Variants in KCNJ3 observed in about 807,000 individuals in gnomAD.
The protein encoded by KCNJ3 is G protein-activated inward rectifier potassium channel 1.
In KCNJ3, 4 loss-of-function variants were observed where a neutral mutation model predicts 39.2. The observed-to-expected ratio is 0.10, with a 90% CI of 0.05 to 0.23. The LOEUF (loss-of-function observed/expected upper bound fraction) is 0.23. Ranked by LOEUF, KCNJ3 falls within the 10% of genes least tolerant of loss-of-function variation. The pLI is 1.00. For missense variants in KCNJ3, 276 were observed against 634.9 expected, an observed-to-expected ratio of 0.43 and a Z score of 6.08; for synonymous variants, 230 against 237.4, an observed-to-expected ratio of 0.97 and a Z score of 0.29.
chr2:154,756,045 C>T (rs1256984996), intron 2 of KCNJ3, among the ~76,000 whole-genome samples: 1 of 152,136 alleles, frequency 6.6e-6, no homozygotes, highest in East Asian at 1.9e-4. Context: ...TTTCAGTCTT[C>T]AGCACCTTTA....
chr2:154,840,824 A>G (rs1298731329), intron 2 of KCNJ3, among the ~76,000 whole-genome samples: 2 of 152,130 alleles, frequency 1.3e-5, no homozygotes, highest in South Asian at 2.1e-4. Flanking sequence ...CAGCTTAAGG[A>G]GATTTTGGGC....
intron 2 of KCNJ3, among the ~76,000 whole-genome samples, chr2:154,731,629 T>G (rs945303089): frequency 6.6e-6 from 1 of 152,034 alleles, no homozygotes; most frequent in African/African-American, 2.4e-5. Flanking sequence ...GTAAGGATGG[T>G]ATCTATGTAT....
Position 154,699,180 on chromosome 2 carries a change from C to T in KCNJ3, c.405C>T (p.Leu135=). The T allele has an allele frequency of 6.2e-7, 1 of 1,614,196 alleles. No individual in the cohort carries two copies. The highest frequency in any genetic ancestry group is 8.5e-7 in the Non-Finnish European group (1 of 1,180,052). ...ANVYNFPSAF[L]FFIETEATIG... ...TCTATAACTTCCCTTCTGCCTTCCT[C>T]TTCTTCATCGAGACGGAGGCCACCA... The change falls in exon 1 of 3, where the codon CTC becomes CTT. Residue 135 remains leucine, a synonymous_variant. Coordinates refer to ENST00000295101, the MANE Select transcript of KCNJ3 (RefSeq NM_002239.4). This position sits in a 1 kb window ranked among gnomAD's most constrained non-coding sequence, Gnocchi z 6.4.
intron 2 of KCNJ3, among the ~76,000 whole-genome samples, chr2:154,769,688 A>G (rs1686203884): frequency 6.6e-6 from 1 of 152,046 alleles, no homozygotes; most frequent in South Asian, 2.1e-4. Flanking sequence ...TATCAGGATG[A>G]TGCTGGCCTC....
chr2:154,792,928 C>T (rs919619297), intron 2 of KCNJ3, among the ~76,000 whole-genome samples: 1 of 151,982 alleles, frequency 6.6e-6, no homozygotes, highest in African/African-American at 2.4e-5. Context: ...TCACAAATCC[C>T]TAGGATGAAT....
At chr2:154,789,311 A>G (rs185767571) in intron 2 of KCNJ3, among the ~76,000 whole-genome samples, 94 of 152,140 alleles carry the variant, frequency 6.2e-4, no homozygotes, top group African/African-American at 2.0e-3. Flanking sequence ...TTGGAATACC[A>G]TGGGGCTTTT....
At chr2:154,736,584 G>A (rs1638915917) in intron 2 of KCNJ3, among the ~76,000 whole-genome samples, 2 of 151,956 alleles carry the variant, frequency 1.3e-5, no homozygotes, top group South Asian at 4.2e-4. Context: ...ATGTATATAT[G>A]CAATGAAGCA....
chr2:154,757,563 AG>A (rs1257575008), intron 2 of KCNJ3, among the ~76,000 whole-genome samples: 1 of 152,188 alleles, frequency 6.6e-6, no homozygotes, highest in African/African-American at 2.4e-5. Flanking sequence ...ATTAGAAAAA[AG>A]GATGTAGATG....
intron 2 of KCNJ3, among the ~76,000 whole-genome samples, chr2:154,754,476 T>A (rs1310762269): frequency 6.6e-6 from 1 of 152,224 alleles, no homozygotes; most frequent in Non-Finnish European, 1.5e-5. Context: ...GGTTTCACTG[T>A]GTTGGCCAGG....
chr2:154,777,092 T>C (rs529816619), intron 2 of KCNJ3, among the ~76,000 whole-genome samples: 9 of 152,154 alleles, frequency 5.9e-5, no homozygotes, highest in African/African-American at 2.2e-4. Context: ...AGTTGGGACA[T>C]GAGCTAAATT....
Position 154,698,734 on chromosome 2 carries a change from C to A in KCNJ3, c.-42C>A, listed in dbSNP as rs1350659492. On this transcript the variant is annotated 5_prime_UTR_variant, in exon 1 of 3. Transcript: ENST00000295101. ...GCTAGTTTGCAGCGCCCAGCTCCTG[C>A]GCCTTCGCTTCGCGTTTGAATCTGG... The A allele has an allele frequency of 1.6e-6, 2 of 1,261,820 alleles. No individual in the cohort carries two copies. Among genetic ancestry groups the A allele is most frequent in the East Asian group, 2.6e-5 (1 of 39,000 alleles). 78.2% of individuals were successfully genotyped at this position (1,261,820 alleles called of 1,614,324 possible).
chr2:154,731,303 T>C (rs1053267770), intron 2 of KCNJ3, among the ~76,000 whole-genome samples: 3 of 152,118 alleles, frequency 2.0e-5, no homozygotes, highest in Admixed American at 6.6e-5. Flanking sequence ...TATTCAAATG[T>C]ATTCTTTTGG....
chr2:154,818,950 T>TTTTTTA (rs1558882257), intron 2 of KCNJ3, among the ~76,000 whole-genome samples: 7 of 115,902 alleles, frequency 6.0e-5, no homozygotes, highest in Admixed American at 1.9e-4. Context: ...TTTTTTTTTT[T>TTTTTTA]AATCATCTTG....
chr2:154,766,364 T>C (rs1360404337), intron 2 of KCNJ3, among the ~76,000 whole-genome samples: 1 of 152,138 alleles, frequency 6.6e-6, no homozygotes, highest in African/African-American at 2.4e-5. Flanking sequence ...CATTGTGACC[T>C]GTAGAATATA....
chr2:154,824,895 G>A (rs1403822229), intron 2 of KCNJ3, among the ~76,000 whole-genome samples: 1 of 152,108 alleles, frequency 6.6e-6, no homozygotes. Flanking sequence ...ACTGCAGTGG[G>A]GTCTTCTCAA....
intron 1 of KCNJ3, among the ~76,000 whole-genome samples, chr2:154,707,619 G>T (rs1020831704): frequency 6.6e-6 from 1 of 151,904 alleles, no homozygotes; most frequent in Non-Finnish European, 1.5e-5. Context: ...TATCTTCTTT[G>T]GGGAAAATTA....
intron 2 of KCNJ3, among the ~76,000 whole-genome samples, chr2:154,832,258 TA>T (rs901093641): frequency 3.3e-5 from 5 of 151,862 alleles, no homozygotes; most frequent in African/African-American, 9.7e-5. Context: ...TCAATTTAAT[TA>T]AAAAAAAGTA....
At chr2:154,814,578 A>G (rs1687052981) in intron 2 of KCNJ3, among the ~76,000 whole-genome samples, 1 of 152,150 alleles carries the variant, frequency 6.6e-6, no homozygotes, top group South Asian at 2.1e-4. Flanking sequence ...CGGAGTTTGC[A>G]GTGAGCCAAG....
At chr2:154,810,069 C>G (rs1401777010) in intron 2 of KCNJ3, among the ~76,000 whole-genome samples, 1 of 151,946 alleles carries the variant, frequency 6.6e-6, no homozygotes, top group Non-Finnish European at 1.5e-5. Flanking sequence ...GTTCCTCTCT[C>G]TCTTTCTCTC....
Sources: allele counts gnomAD v4.1 joint callset (sites outside exome capture counted in the v4.1 genomes callset), GRCh38; gene constraint gnomAD v4.1.1; non-coding constraint Gnocchi (gnomAD v3.1); transcripts MANE v1.5; gene names NCBI Gene and HGNC (gene_info 2026-07-23, HGNC 2026-07-21).